The following CTLA4 variants were observed in gnomAD, a reference collection of about 807,000 sequenced individuals.
CTLA4 encodes the protein cytotoxic T-lymphocyte protein 4.
Under a neutral mutation model 20.4 loss-of-function variants are expected in CTLA4, and 3 were observed. The ratio of observed to expected loss-of-function variants is 0.15; its 90% CI spans 0.07 to 0.38. The LOEUF (loss-of-function observed/expected upper bound fraction) is 0.38. Ranked by LOEUF, CTLA4 falls within the 10% of genes least tolerant of loss-of-function variation. CTLA4 has a pLI of 1.00. For missense variants in CTLA4, 184 were observed against 276.8 expected (o/e 0.66, Z 2.38); for synonymous variants, 100 against 105.2 (o/e 0.95, Z 0.30).
At chr2:203,869,760 C>A (rs1688694451) in intron 1 of CTLA4, among the ~76,000 whole-genome samples, 1 of 152,114 alleles carries the variant, frequency 6.6e-6, no homozygotes, top group Non-Finnish European at 1.5e-5. Context: ...TGAGTTGATG[C>A]AAGCCTCTCT....
chr2:203,871,511 C>T, intron 3 of CTLA4, 24 bp downstream of exon 3: 1 of 1,557,564 alleles, frequency 6.4e-7, no homozygotes, highest in Non-Finnish European at 8.9e-7. Context: ...TGATGGTGCA[C>T]CATGTCTGAT....
intron 1 of CTLA4, among the ~76,000 whole-genome samples, chr2:203,868,688 A>C (rs1022622350): frequency 8.1e-4 from 123 of 152,222 alleles, no homozygotes; most frequent in African/African-American, 2.8e-3. Context: ...GGAAAGAAAG[A>C]AAGCCACCAG....
intron 3 of CTLA4, 61 bp downstream of exon 3, chr2:203,871,548 G>A: frequency 7.9e-7 from 1 of 1,258,068 alleles, no homozygotes. Flanking sequence ...GTATCAACTG[G>A]CCAAAAGATG....
intron 1 of CTLA4, among the ~76,000 whole-genome samples, chr2:203,868,464 T>A (rs953712793): frequency 6.6e-6 from 1 of 152,180 alleles, no homozygotes; most frequent in African/African-American, 2.4e-5. Flanking sequence ...GGGAAGAGTT[T>A]TTTTGCTATA....
chr2:203,871,681 A>G (rs1688736754), intron 3 of CTLA4, among the ~76,000 whole-genome samples, 194 bp downstream of exon 3: 1 of 152,212 alleles, frequency 6.6e-6, no homozygotes. Flanking sequence ...AATATTTTAG[A>G]TGAATTTGTT....
intron 1 of CTLA4, among the ~76,000 whole-genome samples, chr2:203,869,713 G>A (rs1688693377): frequency 6.6e-6 from 1 of 152,342 alleles, no homozygotes; most frequent in South Asian, 2.1e-4. Context: ...GGCCTGGTTA[G>A]TTACAGGAAG....
In CTLA4 at chr2:203,873,151, A is replaced by G. The variant is rs1581575335; in HGVS notation, c.*339A>G. The G allele has an allele frequency of 2.2e-6, 1 of 458,696 alleles. No homozygotes were observed. The highest frequency in any genetic ancestry group is 3.1e-5 in the East Asian group (1 of 32,284). 28.4% of individuals were successfully genotyped at this position (458,696 alleles called of 1,614,324 possible). A position where few individuals can be genotyped will look rare whatever the true frequency, so the allele number is the denominator to read the frequency against. On this transcript the variant is annotated 3_prime_UTR_variant, in exon 4 of 4. Coordinates refer to ENST00000648405, the MANE Select transcript of CTLA4 (RefSeq NM_005214.5). ...GAAAAGGCAGGGAGCGAGGGAGAAG[A>G]CTATATTGTACACACCTTATATTTA...
rs1336689463 is a variant in CTLA4, at chr2:203,870,963, C to A, written c.457+30C>A. On this transcript the variant is annotated intron_variant, in intron 2 of 3. Coordinates refer to ENST00000648405, the MANE Select transcript of CTLA4 (RefSeq NM_005214.5). The surrounding 1 kb of genome is among the most constrained non-coding windows in gnomAD (Gnocchi z 5.3). ...GCAAAGCCATTTCACTGAGTTGACA[C>A]CTGTTGCATTGCAGTCTTCTATGCA... is the stretch of plus-strand genomic sequence containing the variant. The A allele has an allele frequency of 1.9e-6, 3 of 1,557,302 alleles. No individual in the cohort carries two copies. In the South Asian group the frequency reaches 3.4e-5, roughly 18 times the overall value.
Position 203,870,974 on chromosome 2 carries a change from G to T in CTLA4, c.457+41G>T. Reference sequence around the variant, plus strand: ...TCACTGAGTTGACACCTGTTGCATTGCAGTCTTCTATGCACAAAAACAGTT... The same window carrying T: ...TCACTGAGTTGACACCTGTTGCATTTCAGTCTTCTATGCACAAAAACAGTT... On this transcript the variant is annotated intron_variant, in intron 2 of 3. Transcript: ENST00000648405. This position sits in a 1 kb window ranked among gnomAD's most constrained non-coding sequence, Gnocchi z 5.3. 6.6e-7 allele frequency: 1 copy of T among 1,505,692 alleles called. No individual in the cohort carries two copies. The highest frequency in any genetic ancestry group is 1.2e-5 in the South Asian group (1 of 85,430). 93.3% of individuals were successfully genotyped at this position (1,505,692 alleles called of 1,614,324 possible). A position where few individuals can be genotyped will look rare whatever the true frequency, so the allele number is the denominator to read the frequency against.
In CTLA4 at chr2:203,870,681, G is replaced by T. The variant is rs557116456; in HGVS notation, c.205G>T (p.Val69Phe). 1 of 1,614,212 alleles carries T rather than the reference G, an allele frequency of 6.2e-7. No individual in the cohort carries two copies. Among genetic ancestry groups the T allele is most frequent in the Non-Finnish European group, 8.5e-7 (1 of 1,180,038 alleles). ...EYASPGKATE[V>F]RVTVLRQADS... Reference sequence around the variant, plus strand: ...TGCATCTCCAGGCAAAGCCACTGAGGTCCGGGTGACAGTGCTTCGGCAGGC... The same window carrying T: ...TGCATCTCCAGGCAAAGCCACTGAGTTCCGGGTGACAGTGCTTCGGCAGGC... Residue 69 changes from valine to phenylalanine, a missense_variant, in exon 2 of 4, where the codon GTC becomes TTC. Transcript: ENST00000648405. The surrounding 1 kb of genome is among the most constrained non-coding windows in gnomAD (Gnocchi z 5.3).
chr2:203,872,882 A>C lies in CTLA4; in HGVS notation c.*70A>C, dbSNP rs1026242815. On this transcript the variant is annotated 3_prime_UTR_variant, in exon 4 of 4. Transcript: ENST00000648405. ...CTGAGGCAATTCTAACTTTTTTGCTATCCAGCTATTTTTATTTGTTTGTGC... is the reference window on the plus strand; with the variant it reads ...CTGAGGCAATTCTAACTTTTTTGCTCTCCAGCTATTTTTATTTGTTTGTGC... The C allele has an allele frequency of 2.4e-5, 24 of 1,015,256 alleles. No homozygotes were observed. The highest frequency in any genetic ancestry group is 4.0e-5 in the South Asian group (3 of 74,094). 62.9% of individuals were successfully genotyped at this position (1,015,256 alleles called of 1,614,324 possible). A position where few individuals can be genotyped will look rare whatever the true frequency, so the allele number is the denominator to read the frequency against.
In CTLA4 at chr2:203,872,694, T is replaced by C; in HGVS notation, c.568-14T>C. ...TCCTCAGTAGTAATTACTGTTTCTT[T>C]TTGTGTTTGACAGCTAAAGAAAAGA... On this transcript the variant is annotated splice_polypyrimidine_tract_variant and intron_variant, in intron 3 of 3. Transcript: ENST00000648405. The C allele has an allele frequency of 6.5e-7, 1 of 1,545,966 alleles. No homozygotes were observed. Among genetic ancestry groups the C allele is most frequent in the Non-Finnish European group, 8.9e-7 (1 of 1,118,176 alleles).
chr2:203,871,556 A>G lies in CTLA4; in HGVS notation c.567+69A>G, dbSNP rs1224778172. 3 of 1,219,792 alleles carry G rather than the reference A, an allele frequency of 2.5e-6. No individual in the cohort carries two copies. In the Admixed American group the frequency reaches 5.1e-5, roughly 21 times the overall value. The allele number at this position is 1,219,792 out of a possible 1,614,324, so 75.6% of individuals were successfully genotyped here. On this transcript the variant is annotated intron_variant, in intron 3 of 3. Transcript: ENST00000648405. ...TTTAGTGGTATCAACTGGCCAAAAG[A>G]TGATGTTGAGTTTAGTGTTCTTGAG... is the stretch of plus-strand genomic sequence containing the variant.
rs1419766741 is a variant in CTLA4 at position 203,873,073 on chromosome 2, C to A, written c.*261C>A. 2 of 568,098 alleles carry A rather than the reference C, an allele frequency of 3.5e-6. No homozygotes were observed. The highest frequency in any genetic ancestry group is 2.8e-5 in the East Asian group (1 of 36,056). 35.2% of individuals were successfully genotyped at this position (568,098 alleles called of 1,614,324 possible). A position where few individuals can be genotyped will look rare whatever the true frequency, so the allele number is the denominator to read the frequency against. On this transcript the variant is annotated 3_prime_UTR_variant, in exon 4 of 4. Coordinates refer to ENST00000648405, the MANE Select transcript of CTLA4 (RefSeq NM_005214.5). Reference sequence around the variant, plus strand: ...ACTTGGGATTAATATGGGGATGCAGCATTATGATGTGGGTCAAGGAATTAA... The same window carrying A: ...ACTTGGGATTAATATGGGGATGCAGAATTATGATGTGGGTCAAGGAATTAA...
rs1018805765 is a variant in CTLA4 at position 203,873,299 on chromosome 2, T to C, written c.*487T>C. ...ACTCACATGGCTATGTTTTAGCCAG[T>C]GATGCTAAAGGTTGTATTGCATATA... is the stretch of plus-strand genomic sequence containing the variant. On this transcript the variant is annotated 3_prime_UTR_variant, in exon 4 of 4. Coordinates refer to ENST00000648405, the MANE Select transcript of CTLA4 (RefSeq NM_005214.5). The C allele has an allele frequency of 2.3e-5, 7 of 301,972 alleles. No homozygotes were observed. Among genetic ancestry groups the C allele is most frequent in the Non-Finnish European group, 3.5e-5 (6 of 172,214 alleles). The allele number at this position is 301,972 out of a possible 1,614,324, so 18.7% of individuals were successfully genotyped here. A position where few individuals can be genotyped will look rare whatever the true frequency, so the allele number is the denominator to read the frequency against.
rs115395872 is a variant in CTLA4 at position 203,872,293 on chromosome 2, C to G, written c.568-415C>G. On this transcript the variant is annotated intron_variant, in intron 3 of 3. Coordinates refer to ENST00000648405, the MANE Select transcript of CTLA4 (RefSeq NM_005214.5). ...AAGATATACTCTATTCCAACATCCT[C>G]TACCCAACCTGACAGAGATGTCCTT... Among the ~76,000 whole-genome samples the G allele has an allele frequency of 3.0e-3, 457 of 152,314 alleles. 4 individuals are homozygous for G. Among genetic ancestry groups the G allele is most frequent in the Non-Finnish European group, 5.6e-3 (383 of 68,024 alleles).
Position 203,867,970 on chromosome 2 carries a change from A to G in CTLA4, c.28A>G (p.Lys10Glu), listed in dbSNP as rs146541851. 5 of 1,614,010 alleles carry G rather than the reference A, an allele frequency of 3.1e-6. No homozygotes were observed. In the African/African-American group the frequency reaches 5.3e-5, roughly 17 times the overall value. ...GGCTTGCCTTGGATTTCAGCGGCAC[A>G]AGGCTCAGCTGAACCTGGCTACCAG... is the stretch of plus-strand genomic sequence containing the variant. Reference protein sequence around the residue: MACLGFQRHKAQLNLATRTW... With the variant: MACLGFQRHEAQLNLATRTW... Residue 10 changes from lysine to glutamate, a missense_variant, in exon 1 of 4, where the codon AAG becomes GAG. Physicochemically the swap from Lys to Glu is moderately conservative, Grantham distance 56. Around this residue, in one of 3 missense-constraint regions of CTLA4, gnomAD observed 35 missense variants for 36.6 expected, o/e 0.96. Coordinates refer to ENST00000648405, the MANE Select transcript of CTLA4 (RefSeq NM_005214.5).
At chr2:203,868,230 A>G (rs1321867596) in intron 1 of CTLA4, among the ~76,000 whole-genome samples, 179 bp downstream of exon 1, 1 of 152,242 alleles carries the variant, frequency 6.6e-6, no homozygotes, top group African/African-American at 2.4e-5. Flanking sequence ...GCGGCAGCAA[A>G]TAAGGCAAAG....
Position 203,870,644 on chromosome 2 carries a change from T to A in CTLA4, c.168T>A (p.Phe56Leu). 6.2e-7 allele frequency: 1 copy of A among 1,614,142 alleles called. No individual in the cohort carries two copies. The highest frequency in any genetic ancestry group is 2.2e-5 in the East Asian group (1 of 44,860). Residue 56 changes from phenylalanine to leucine, a missense_variant, in exon 2 of 4, where the codon TTT (phenylalanine) becomes TTA (leucine). By Grantham distance (22) the Phe-to-Leu change is conservative. Transcript: ENST00000648405. The surrounding 1 kb of genome is among the most constrained non-coding windows in gnomAD (Gnocchi z 5.3). ...VLASSRGIAS[F>L]VCEYASPGKA... is the part of the protein sequence containing the mutation. ...CCAGCAGCCGAGGCATCGCCAGCTT[T>A]GTGTGTGAGTATGCATCTCCAGGCA... is the stretch of plus-strand genomic sequence containing the variant.
Sources: allele counts gnomAD v4.1 joint callset (sites outside exome capture counted in the v4.1 genomes callset), GRCh38; gene constraint gnomAD v4.1.1; regional missense constraint gnomAD v4.1.1; non-coding constraint Gnocchi (gnomAD v3.1); transcripts MANE v1.5; gene names NCBI Gene and HGNC (gene_info 2026-07-23, HGNC 2026-07-21).